Variants in FBXO11 observed in about 807,000 individuals in gnomAD.
FBXO11 encodes the protein F-box protein 11.
Under a neutral mutation model 117.0 loss-of-function variants are expected in FBXO11, and 13 were observed. The ratio of observed to expected loss-of-function variants is 0.11; its 90% CI spans 0.07 to 0.18. The LOEUF (loss-of-function observed/expected upper bound fraction) is 0.18. Ranked by LOEUF, FBXO11 falls within the 10% of genes least tolerant of loss-of-function variation. The pLI is 1.00. For synonymous variants in FBXO11, 490 were observed against 380.5 expected (o/e 1.29, Z -3.35); for missense variants, 767 against 1,164.4 (o/e 0.66, Z 4.97).
chr2:47,847,332 T>A (rs139258821), intron 1 of FBXO11, among the ~76,000 whole-genome samples: 1 of 152,192 alleles, frequency 6.6e-6, no homozygotes, highest in Non-Finnish European at 1.5e-5. Context: ...AGCATGTTAC[T>A]GTACTGTACT....
At chr2:47,902,580 C>T (rs1678378995) in intron 1 of FBXO11, among the ~76,000 whole-genome samples, 1 of 152,062 alleles carries the variant, frequency 6.6e-6, no homozygotes, top group Non-Finnish European at 1.5e-5. Flanking sequence ...TACACACACA[C>T]ATACACATAC....
chr2:47,851,989 ATTT>A (rs1191001581), intron 1 of FBXO11, among the ~76,000 whole-genome samples: 5 of 132,846 alleles, frequency 3.8e-5, no homozygotes, highest in Non-Finnish European at 8.0e-5. Context: ...CAAGCAACCA[ATTT>A]TTTTTTTTTT....
intron 11 of FBXO11, among the ~76,000 whole-genome samples, chr2:47,828,614 A>G (rs1171625888): frequency 6.6e-6 from 1 of 152,000 alleles, no homozygotes; most frequent in Non-Finnish European, 1.5e-5. Flanking sequence ...TGTCTCAAAA[A>G]AAAAAAAAAG....
At chr2:47,810,726 T>A in intron 18 of FBXO11, 1 of 234,880 alleles carries the variant, frequency 4.3e-6, no homozygotes, top group Non-Finnish European at 8.2e-6. Context: ...TGATTCTCAA[T>A]GAGTATTGCT....
At chr2:47,842,569 C>T (rs1426879646) in intron 1 of FBXO11, among the ~76,000 whole-genome samples, 1 of 151,964 alleles carries the variant, frequency 6.6e-6, no homozygotes, top group Non-Finnish European at 1.5e-5. Flanking sequence ...TGTAAATTAA[C>T]ATTTTTAAGC....
rs191920585 is a variant in FBXO11, at chr2:47,807,281, G to A, written c.*837C>T. 2.3e-4 allele frequency: 50 copies of A among 221,476 alleles called. No individual in the cohort carries two copies. Among genetic ancestry groups the A allele is most frequent in the Non-Finnish European group, 8.1e-5 (9 of 110,514 alleles). The allele number at this position is 221,476 out of a possible 1,614,324, so 13.7% of individuals were successfully genotyped here. On this transcript the variant is annotated 3_prime_UTR_variant, in exon 23 of 23. Coordinates refer to ENST00000403359, the MANE Select transcript of FBXO11 (RefSeq NM_001190274.2). Reference sequence around the variant, plus strand: ...TTGTTTTGAAGAGACTTTCTAAAGTGTACTTAAAACATAGTAGTTTTTTAC... The same window carrying A: ...TTGTTTTGAAGAGACTTTCTAAAGTATACTTAAAACATAGTAGTTTTTTAC...
chr2:47,904,581 AACACACACACACAC>A (rs112758707), intron 1 of FBXO11, among the ~76,000 whole-genome samples: 4,958 of 147,668 alleles, frequency 0.034, 149 homozygotes, highest in African/African-American at 0.075. Context: ...CGCGCGCGCA[AACACACACACACAC>A]ACACACACAC....
intron 7 of FBXO11, 100 bp downstream of exon 7, chr2:47,834,479 G>T: frequency 1.2e-6 from 1 of 827,628 alleles, no homozygotes; most frequent in Non-Finnish European, 1.8e-6. Context: ...TTACCAGCAG[G>T]ATATTATAAA....
intron 16 of FBXO11, among the ~76,000 whole-genome samples, chr2:47,814,888 C>A (rs1206400671): frequency 6.6e-6 from 1 of 152,202 alleles, no homozygotes; most frequent in African/African-American, 2.4e-5. Flanking sequence ...TTCATTTCAA[C>A]TATGTTCACA....
intron 7 of FBXO11, among the ~76,000 whole-genome samples, chr2:47,834,318 C>G (rs1672400388): frequency 6.6e-6 from 1 of 151,762 alleles, no homozygotes; most frequent in Non-Finnish European, 1.5e-5. Context: ...CCACTGCACT[C>G]TAGCCTGAGT....
At chr2:47,889,385 C>G (rs1677098587) in intron 1 of FBXO11, among the ~76,000 whole-genome samples, 1 of 152,070 alleles carries the variant, frequency 6.6e-6, no homozygotes, top group South Asian at 2.1e-4. Flanking sequence ...CAAAAAGCAA[C>G]AAAATTTAGT....
intron 1 of FBXO11, among the ~76,000 whole-genome samples, chr2:47,866,658 G>A (rs1485795356): frequency 3.9e-5 from 6 of 152,002 alleles, no homozygotes; most frequent in Non-Finnish European, 7.4e-5. Context: ...ATTTTTAGTA[G>A]AGATGAGGTT....
chr2:47,835,809 C>A, intron 5 of FBXO11, 63 bp downstream of exon 5: 4 of 1,357,048 alleles, frequency 2.9e-6, no homozygotes, highest in Non-Finnish European at 4.0e-6. Context: ...AAACTTATTT[C>A]TTAAAAGAAA....
At chr2:47,901,448 T>C (rs1461338515) in intron 1 of FBXO11, among the ~76,000 whole-genome samples, 2 of 152,094 alleles carry the variant, frequency 1.3e-5, no homozygotes, top group Non-Finnish European at 2.9e-5. Context: ...GAACCCAAAT[T>C]CATCTTTTAT....
At chr2:47,810,572 TAGCAATTC>T in intron 18 of FBXO11, 146 bp from the exon 19 acceptor site, 1 of 558,304 alleles carries the variant, frequency 1.8e-6, no homozygotes, top group South Asian at 2.5e-5. Context: ...ACAAGTTTAT[TAGCAATTC>T]AGAGGTATTA....
intron 11 of FBXO11, 68 bp from the exon 12 acceptor site, chr2:47,823,428 A>T: frequency 8.3e-7 from 1 of 1,202,540 alleles, no homozygotes; most frequent in Non-Finnish European, 1.2e-6. Flanking sequence ...CCATTTAAAA[A>T]ACATTTCAAT....
intron 1 of FBXO11, among the ~76,000 whole-genome samples, chr2:47,848,840 C>T (rs1243242756): frequency 6.6e-6 from 1 of 152,150 alleles, no homozygotes; most frequent in Non-Finnish European, 1.5e-5. Context: ...AGCAGAATAC[C>T]TTTTTATATA....
At chr2:47,853,970 C>A (rs1674078439) in intron 1 of FBXO11, among the ~76,000 whole-genome samples, 2 of 152,180 alleles carry the variant, frequency 1.3e-5, no homozygotes, top group African/African-American at 2.4e-5. Context: ...AATGTTAAAT[C>A]CACAAATGCC....
At chr2:47,809,770 T>G in intron 19 of FBXO11, 63 bp from the exon 20 acceptor site, 1 of 1,065,592 alleles carries the variant, frequency 9.4e-7, no homozygotes, top group Non-Finnish European at 1.4e-6. Flanking sequence ...AAACCTGAAA[T>G]TAGCAAGCAA....
Sources: allele counts gnomAD v4.1 joint callset (sites outside exome capture counted in the v4.1 genomes callset), GRCh38; gene constraint gnomAD v4.1.1; transcripts MANE v1.5; gene names NCBI Gene and HGNC (gene_info 2026-07-23, HGNC 2026-07-21).